ELMO1: variants seen among roughly 807,000 people sequenced by gnomAD.
ELMO1 encodes engulfment and cell motility 1, also known as engulfment and cell motility protein 1.
A neutral mutation model predicts 98.9 loss-of-function variants in ELMO1; 26 were observed. The ratio of observed to expected loss-of-function variants is 0.26; its 90% CI spans 0.19 to 0.36. The LOEUF is 0.36. Among genes scored for constraint, ELMO1 ranks in the 10% least tolerant of loss-of-function variants. The pLI, the probability that ELMO1 is intolerant of heterozygous loss-of-function variation, is 1.00. For synonymous variants in ELMO1, 346 were observed against 346.0 expected (o/e 1.00, Z 0.00); for missense variants, 627 against 935.2 (o/e 0.67, Z 4.30).
At chr7:36,861,879 C>T (rs951931409) in intron 20 of ELMO1, 143 bp from the exon 21 acceptor site, 1 of 735,868 alleles carries the variant, frequency 1.4e-6, no homozygotes, top group Non-Finnish European at 2.4e-6. Flanking sequence ...GAAGGAGGAA[C>T]CATGCTCTTC....
intron 2 of ELMO1, among the ~76,000 whole-genome samples, chr7:37,324,826 C>T (rs1043464517): frequency 1.1e-4 from 17 of 152,236 alleles, no homozygotes; most frequent in Admixed American, 1.3e-4. Context: ...AATTCTCCCA[C>T]ATTGGCCTTC....
intron 2 of ELMO1, among the ~76,000 whole-genome samples, chr7:37,339,145 G>A (rs1273822992): frequency 6.6e-6 from 1 of 152,206 alleles, no homozygotes. Context: ...CCAGTCTAAT[G>A]ACTGCTTCTC....
At chr7:36,969,676 T>C (rs1789751580) in intron 16 of ELMO1, among the ~76,000 whole-genome samples, 1 of 152,076 alleles carries the variant, frequency 6.6e-6, no homozygotes, top group South Asian at 2.1e-4. Flanking sequence ...CACACTTGCT[T>C]AAGCCTCACT....
chr7:36,935,154 A>C (rs982986431), intron 16 of ELMO1, among the ~76,000 whole-genome samples: 1 of 152,162 alleles, frequency 6.6e-6, no homozygotes, highest in Admixed American at 6.5e-5. Context: ...GGTTCCCCAC[A>C]TACTGTTCTC....
Position 37,233,532 on chromosome 7 carries a change from A to G in ELMO1, c.450-338T>C, listed in dbSNP as rs540730797. 3.9e-5 allele frequency among the ~76,000 whole-genome samples: 6 copies of G among 152,260 alleles called. No homozygotes were observed. The South Asian group carries it at 1.2e-3, about 32-fold the overall frequency. On this transcript the variant is annotated intron_variant, in intron 7 of 21. Transcript: ENST00000310758. ...TTTTCAGCTGAAAAACTAGATGGTG[A>G]TATCTATCTAGCCACAGAGCTACTT...
intron 13 of ELMO1, among the ~76,000 whole-genome samples, chr7:37,193,995 G>A (rs553871712): frequency 2.0e-5 from 3 of 152,242 alleles, no homozygotes; most frequent in African/African-American, 4.8e-5. Context: ...CATCCAGAAT[G>A]CTCTGGAAAG....
chr7:37,304,632 C>T lies in ELMO1; in HGVS notation c.192+10218G>A, dbSNP rs555970087. Among the ~76,000 whole-genome samples, 3 of 152,286 alleles carry T rather than the reference C, an allele frequency of 2.0e-5. No individual in the cohort carries two copies. The South Asian group carries it at 6.2e-4, about 32-fold the overall frequency. On this transcript the variant is annotated intron_variant, in intron 4 of 21. Transcript: ENST00000310758. Reference sequence around the variant, plus strand: ...TCAGGAAGCTGAGGCAGGAGAATCGCTTGAACCCGGGAGGTGGAGGTTGCA... The same window carrying T: ...TCAGGAAGCTGAGGCAGGAGAATCGTTTGAACCCGGGAGGTGGAGGTTGCA...
At chr7:37,048,951 C>A (rs1365577082) in intron 15 of ELMO1, among the ~76,000 whole-genome samples, 1 of 152,136 alleles carries the variant, frequency 6.6e-6, no homozygotes, top group Admixed American at 6.5e-5. Flanking sequence ...ATGGAAATGG[C>A]GATTCCCAAT....
At chr7:37,032,520 A>C (rs2129186873) in intron 15 of ELMO1, among the ~76,000 whole-genome samples, 1 of 152,328 alleles carries the variant, frequency 6.6e-6, no homozygotes, top group Non-Finnish European at 1.5e-5. Flanking sequence ...GCTGGCACCC[A>C]ACGCTGGGCT....
intron 15 of ELMO1, among the ~76,000 whole-genome samples, chr7:37,092,396 G>A (rs1459051261): frequency 6.0e-4 from 7 of 11,706 alleles, no homozygotes; most frequent in Non-Finnish European, 1.3e-3. Flanking sequence ...TTTTTTTTTT[G>A]GAGACAGAGT....
intron 16 of ELMO1, among the ~76,000 whole-genome samples, chr7:36,904,278 C>T (rs1265976904): frequency 6.6e-6 from 1 of 152,212 alleles, no homozygotes; most frequent in Non-Finnish European, 1.5e-5. Flanking sequence ...TCAAATGTGC[C>T]TCGAGAGCCA....
At chr7:37,447,048 C>G (rs1020895187) in intron 1 of ELMO1, among the ~76,000 whole-genome samples, 3 of 152,116 alleles carry the variant, frequency 2.0e-5, no homozygotes, top group Non-Finnish European at 4.4e-5. Context: ...TTGAAACAAC[C>G]TTGGAAAGTA....
intron 7 of ELMO1, among the ~76,000 whole-genome samples, chr7:37,234,999 G>A (rs1173702953): frequency 6.6e-6 from 1 of 152,318 alleles, no homozygotes; most frequent in East Asian, 1.9e-4. Context: ...GCTTTTCAGA[G>A]CTGCAAAGGG....
At chr7:37,415,392 A>G (rs1804169816) in intron 1 of ELMO1, among the ~76,000 whole-genome samples, 1 of 152,210 alleles carries the variant, frequency 6.6e-6, no homozygotes, top group Non-Finnish European at 1.5e-5. Flanking sequence ...TTCAACATCA[A>G]GAGTGTAGGG....
intron 13 of ELMO1, among the ~76,000 whole-genome samples, chr7:37,196,347 A>G (rs1791963024): frequency 6.6e-6 from 1 of 152,214 alleles, no homozygotes; most frequent in Non-Finnish European, 1.5e-5. Flanking sequence ...CGAAGGATTT[A>G]TAGCATCCCT....
At chr7:36,945,502 C>T (rs771525291) in intron 16 of ELMO1, among the ~76,000 whole-genome samples, 4 of 152,166 alleles carry the variant, frequency 2.6e-5, no homozygotes, top group Non-Finnish European at 5.9e-5. Flanking sequence ...ATCCCTAGAA[C>T]GATCATTTAG....
chr7:37,284,569 A>G (rs1797297265), intron 4 of ELMO1, among the ~76,000 whole-genome samples: 1 of 152,166 alleles, frequency 6.6e-6, no homozygotes, highest in African/African-American at 2.4e-5. Context: ...AACAAGGCCA[A>G]GATTCAAAAG....
intron 13 of ELMO1, among the ~76,000 whole-genome samples, chr7:37,165,876 CT>C: frequency 6.6e-6 from 1 of 152,228 alleles, no homozygotes; most frequent in Non-Finnish European, 1.5e-5. Context: ...AGGATTCCCT[CT>C]TTTTATATTG....
upstream of ELMO1, chr7:37,449,186 T>A (rs1431054782): frequency 6.6e-6 from 1 of 152,234 alleles, no homozygotes; most frequent in Non-Finnish European, 1.5e-5. Flanking sequence ...AGATCTGCTA[T>A]AAATAATATG....
Sources: gnomAD v4.1 joint callset for allele counts (sites outside exome capture counted in the v4.1 genomes callset) on GRCh38, gnomAD v4.1.1 for gene constraint, MANE v1.5 for transcripts, NCBI Gene and HGNC (gene_info 2026-07-23, HGNC 2026-07-21) for gene names.